Variants in NAV3 observed in about 807,000 individuals in gnomAD.
The protein encoded by NAV3 is neuron navigator 3.
Under a neutral mutation model 244.7 loss-of-function variants are expected in NAV3, and 87 were observed. The observed-to-expected ratio is 0.36, with a 90% CI of 0.30 to 0.42. The LOEUF (loss-of-function observed/expected upper bound fraction) is 0.42, where lower values mean the gene tolerates loss of function less well. Among genes scored for constraint, NAV3 ranks in the 20% least tolerant of loss-of-function variants. NAV3 has a pLI of 1.00. For synonymous variants in NAV3, 1,126 were observed against 1,042.2 expected, an observed-to-expected ratio of 1.08 and a Z score of -1.55; for missense variants, 2,663 against 2,893.3, an observed-to-expected ratio of 0.92 and a Z score of 1.83.
intron 2 of NAV3, among the ~76,000 whole-genome samples, chr12:77,789,816 G>GAAA (rs57070028): frequency 3.0e-4 from 23 of 75,668 alleles, no homozygotes; most frequent in Non-Finnish European, 3.7e-4. Context: ...GTCTCGAAAA[G>GAAA]AAAAAAAAAA....
At chr12:78,115,896 C>T (rs1194239340) in intron 12 of NAV3, among the ~76,000 whole-genome samples, 1 of 152,170 alleles carries the variant, frequency 6.6e-6, no homozygotes, top group African/African-American at 2.4e-5. Context: ...ATGCATTTCT[C>T]AAAACATGTC....
chr12:78,194,208 C>A (rs139264357), intron 34 of NAV3, among the ~76,000 whole-genome samples: 7 of 151,984 alleles, frequency 4.6e-5, no homozygotes, highest in African/African-American at 1.7e-4. Context: ...ACTAAATATA[C>A]CTGTTGAGAA....
chr12:78,168,317 A>T (rs560244406), intron 23 of NAV3, among the ~76,000 whole-genome samples: 2 of 151,852 alleles, frequency 1.3e-5, no homozygotes, highest in African/African-American at 4.8e-5. Flanking sequence ...CAAAATCTGA[A>T]ATCATTCATT....
rs769967777 is a variant in NAV3 at position 78,148,862 on chromosome 12, A to G, written c.4728A>G (p.Arg1576=). The stretch of plus-strand genomic sequence containing the variant: ...TTCAGCAAATCCATAAACTGCGGAG[A>G]GAGCTGGTTGCATCACAAGAAAAAG... ...AHSEQIHKLR[R]ELVASQEKVA... is the part of the protein sequence containing the mutation. Residue 1576 remains arginine, a synonymous_variant, in exon 22 of 40, where the codon AGA becomes AGG. Transcript: ENST00000397909. 3.1e-6 allele frequency: 5 copies of G among 1,612,564 alleles called. No homozygotes were observed. The highest frequency in any genetic ancestry group is 4.2e-6 in the Non-Finnish European group (5 of 1,179,264).
chr12:78,191,069 C>G (rs187137102), intron 34 of NAV3, among the ~76,000 whole-genome samples: 2 of 152,150 alleles, frequency 1.3e-5, no homozygotes, highest in African/African-American at 2.4e-5. Context: ...TCAAGGATAA[C>G]CTGGTTCAAT....
At chr12:78,151,626 G>A (rs1314561413) in intron 22 of NAV3, among the ~76,000 whole-genome samples, 1 of 151,874 alleles carries the variant, frequency 6.6e-6, no homozygotes, top group East Asian at 1.9e-4. Flanking sequence ...TAAGGGCTAA[G>A]GATGAAGGAG....
chr12:78,107,321 C>G (rs906263991), intron 12 of NAV3, among the ~76,000 whole-genome samples: 1 of 151,958 alleles, frequency 6.6e-6, no homozygotes, highest in Non-Finnish European at 1.5e-5. Flanking sequence ...GATTAGAAAA[C>G]CCACTTAATT....
At chr12:78,081,802 C>A (rs1953368849) in intron 12 of NAV3, among the ~76,000 whole-genome samples, 1 of 152,170 alleles carries the variant, frequency 6.6e-6, no homozygotes, top group African/African-American at 2.4e-5. Context: ...TTTCCCCGGG[C>A]AGCTCACACT....
In NAV3 at chr12:77,849,057, A is replaced by C. The variant is rs1327877396; in HGVS notation, c.243+17353A>C. Among the ~76,000 whole-genome samples the C allele has an allele frequency of 2.6e-5, 4 of 152,156 alleles. No individual in the cohort carries two copies. The East Asian group carries it at 7.7e-4, about 29-fold the overall frequency. ...CTAATCCTTCATAGACATTGTTGGC[A>C]AACTAATCTTCCTGAGCATAGCCAT... On this transcript the variant is annotated intron_variant, in intron 1 of 39. Coordinates refer to ENST00000397909, the MANE Select transcript of NAV3 (RefSeq NM_001024383.2).
rs74893575 is a variant in NAV3 at position 77,973,146 on chromosome 12, A to C, written c.671+4444A>C. Among the ~76,000 whole-genome samples the C allele has an allele frequency of 3.2e-4, 49 of 152,244 alleles. No individual in the cohort carries two copies. In the East Asian group the frequency reaches 9.3e-3, roughly 29 times the overall value. ...TCTTAAAATACATACTTTTATCTTA[A>C]TTTTTGAACAGATTATTAAATGATT... On this transcript the variant is annotated intron_variant, in intron 5 of 39. Transcript: ENST00000397909.
intron 9 of NAV3, 21 bp downstream of exon 9, chr12:78,021,883 A>G (rs764746963): frequency 6.8e-7 from 1 of 1,462,300 alleles, no homozygotes; most frequent in Non-Finnish European, 9.5e-7. Context: ...TCATCGATGC[A>G]TAGGTCAAAC....
chr12:77,752,739 T>G (rs1369228200), intron 2 of NAV3, among the ~76,000 whole-genome samples: 1 of 152,132 alleles, frequency 6.6e-6, no homozygotes, highest in Non-Finnish European at 1.5e-5. Flanking sequence ...TTATAATAAT[T>G]AAATAAGGCA....
At chr12:77,596,523 A>G (rs1420767427) in intron 2 of NAV3, among the ~76,000 whole-genome samples, 1 of 152,152 alleles carries the variant, frequency 6.6e-6, no homozygotes, top group Non-Finnish European at 1.5e-5. Flanking sequence ...ATTTTTGATA[A>G]TCACATGTTG....
chr12:77,876,131 TA>T (rs1360329459), intron 1 of NAV3, among the ~76,000 whole-genome samples: 1 of 152,142 alleles, frequency 6.6e-6, no homozygotes, highest in African/African-American at 2.4e-5. Context: ...ATTACATCAT[TA>T]TATTGTATCA....
intron 3 of NAV3, among the ~76,000 whole-genome samples, chr12:77,955,809 G>A (rs1891306741): frequency 6.6e-6 from 1 of 152,134 alleles, no homozygotes; most frequent in South Asian, 2.1e-4. Context: ...GGTGGAGGTT[G>A]TAATGAGCCA....
chr12:78,073,027 G>A (rs1297596599), intron 12 of NAV3, among the ~76,000 whole-genome samples: 3 of 139,718 alleles, frequency 2.1e-5, no homozygotes, highest in Admixed American at 1.5e-4. Context: ...GGTATTGATG[G>A]GACGTATTTC....
intron 8 of NAV3, among the ~76,000 whole-genome samples, chr12:78,009,213 T>A (rs899001017): frequency 5.3e-5 from 8 of 152,002 alleles, no homozygotes; most frequent in African/African-American, 1.7e-4. Flanking sequence ...GAAGTTACAG[T>A]GTGGATCCGC....
At chr12:78,017,031 C>A (rs1038657883) in intron 8 of NAV3, among the ~76,000 whole-genome samples, 3 of 152,078 alleles carry the variant, frequency 2.0e-5, no homozygotes, top group Non-Finnish European at 2.9e-5. Context: ...GCAACATTTA[C>A]AGGTAGCCAG....
At chr12:77,663,522 CTTT>C (rs4017472) in intron 2 of NAV3, among the ~76,000 whole-genome samples, 4 of 139,328 alleles carry the variant, frequency 2.9e-5, no homozygotes, top group Non-Finnish European at 1.6e-5. Flanking sequence ...TCTTCTTCTT[CTTT>C]TTTTTTTTTT....
Sources: allele counts gnomAD v4.1 joint callset (sites outside exome capture counted in the v4.1 genomes callset), GRCh38; gene constraint gnomAD v4.1.1; transcripts MANE v1.5; gene names NCBI Gene and HGNC (gene_info 2026-07-23, HGNC 2026-07-21).